CREB1: variants seen among roughly 807,000 people sequenced by gnomAD.
The protein encoded by CREB1 is cyclic AMP-responsive element-binding protein 1.
CREB1 carries 2 observed loss-of-function variants against 42.0 expected under a neutral mutation model. The observed-to-expected ratio is 0.05, with a 90% confidence interval of 0.02 to 0.15. The LOEUF (loss-of-function observed/expected upper bound fraction) is 0.15, where lower values mean the gene tolerates loss of function less well. CREB1 is among the 10% of genes least tolerant of loss of function. The pLI, the probability that CREB1 is intolerant of heterozygous loss-of-function variation, is 1.00. For missense variants in CREB1, 199 were observed against 388.9 expected (o/e 0.51, Z 4.11); for synonymous variants, 123 against 139.9 (o/e 0.88, Z 0.85).
At chr2:207,588,889 C>CA (rs2084419803) in intron 7 of CREB1, among the ~76,000 whole-genome samples, 1 of 142,298 alleles carries the variant, frequency 7.0e-6, no homozygotes, top group Non-Finnish European at 1.5e-5. Flanking sequence ...GGAGCTTTGT[C>CA]GGGGGGGGTG....
At chr2:207,581,065 T>C (rs996375681) in intron 7 of CREB1, 1 of 214,122 alleles carries the variant, frequency 4.7e-6, no homozygotes, top group Non-Finnish European at 9.4e-6. Context: ...TTTATGTAAC[T>C]TTACATTGTA....
chr2:207,567,770 TTTTTTC>T (rs1032684603), intron 4 of CREB1: 2 of 347,726 alleles, frequency 5.8e-6, no homozygotes, highest in African/African-American at 2.1e-5. Context: ...CTAATTTTTT[TTTTTTC>T]TGTTTCTGTT....
In CREB1 at chr2:207,566,387, AT is replaced by A. The variant is rs537027088; in HGVS notation, c.262-1075del. Among the ~76,000 whole-genome samples, 3 of 152,316 alleles carry A rather than the reference AT, an allele frequency of 2.0e-5. No homozygotes were observed. The South Asian group carries it at 6.2e-4, about 32-fold the overall frequency. ...TAAGTATAATTCTTACTCTGACCGC[AT>A]AATGTGCCCCTAGTTCAGGAAAGAG... On this transcript the variant is annotated intron_variant, in intron 3 of 7. Transcript: ENST00000353267.
intron 7 of CREB1, among the ~76,000 whole-genome samples, chr2:207,584,071 T>C (rs2083394197): frequency 6.6e-6 from 1 of 152,262 alleles, no homozygotes; most frequent in Non-Finnish European, 1.5e-5. Flanking sequence ...TTATTCACTT[T>C]GAATTTCATC....
intron 7 of CREB1, among the ~76,000 whole-genome samples, chr2:207,592,839 G>GGA (rs1053547115): frequency 2.0e-4 from 30 of 150,964 alleles, no homozygotes; most frequent in African/African-American, 7.1e-4. Flanking sequence ...CTTGAACCTG[G>GGA]GAGGTGGAGG....
intron 1 of CREB1, among the ~76,000 whole-genome samples, chr2:207,539,964 A>G (rs1331503489): frequency 6.6e-6 from 1 of 152,210 alleles, no homozygotes; most frequent in East Asian, 1.9e-4. Flanking sequence ...TTTGAGTTTC[A>G]TGTAAGAGAA....
At chr2:207,576,562 A>G in intron 6 of CREB1, 1 of 542,698 alleles carries the variant, frequency 1.8e-6, no homozygotes, top group South Asian at 1.7e-5. Flanking sequence ...CTGTTATTAA[A>G]CGAGTATTTG....
rs1447834884 is a variant in CREB1 at position 207,605,569 on chromosome 2, TTG to T, written c.*8515_*8516del. 2.0e-5 allele frequency among the ~76,000 whole-genome samples: 3 copies of T among 149,308 alleles called. No individual in the cohort carries two copies. Among genetic ancestry groups the T allele is most frequent in the East Asian group, 1.9e-4 (1 of 5,206 alleles). On this transcript the variant is annotated 3_prime_UTR_variant, in exon 8 of 8. Transcript: ENST00000353267. The stretch of plus-strand genomic sequence containing the variant: ...AAAAGGGCAAACTGTAAGAAGTTTT[TTG>T]TGTTATGTTTTTTGTGACAGTCTGT...
chr2:207,535,155 A>G (rs576980365), intron 1 of CREB1, among the ~76,000 whole-genome samples: 1 of 152,350 alleles, frequency 6.6e-6, no homozygotes, highest in East Asian at 1.9e-4. Context: ...TGAATGAAAA[A>G]TAAATAGTTT....
intron 1 of CREB1, among the ~76,000 whole-genome samples, chr2:207,545,751 G>A (rs1215830742): frequency 1.4e-5 from 2 of 138,164 alleles, no homozygotes; most frequent in African/African-American, 2.8e-5. Flanking sequence ...TTTTTTTTGT[G>A]AGATGGAGTT....
intron 1 of CREB1, among the ~76,000 whole-genome samples, chr2:207,542,100 T>C (rs1442131870): frequency 6.6e-6 from 1 of 152,208 alleles, no homozygotes; most frequent in African/African-American, 2.4e-5. Flanking sequence ...CATTGGACTT[T>C]TTGATTATTA....
rs116334408 is a variant in CREB1 at position 207,564,561 on chromosome 2, A to G, written c.262-2902A>G. Among the ~76,000 whole-genome samples the G allele has an allele frequency of 5.0e-4, 76 of 152,054 alleles. No homozygotes were observed. In the East Asian group the frequency reaches 0.013, roughly 26 times the overall value. ...ATATATATCCAAACCATGAGTCTCA[A>G]CTCTACCGAGGGATAGTACTTAAGT... On this transcript the variant is annotated intron_variant, in intron 3 of 7. Coordinates refer to ENST00000353267, the MANE Select transcript of CREB1 (RefSeq NM_004379.5).
chr2:207,530,431 C>G (rs1333740836), intron 1 of CREB1, among the ~76,000 whole-genome samples: 1 of 144,986 alleles, frequency 6.9e-6, no homozygotes, highest in Admixed American at 6.8e-5. Context: ...GAGCCGGCGG[C>G]CGGGGGTGTG....
chr2:207,602,992 G>C lies in CREB1; in HGVS notation c.*5934G>C. On this transcript the variant is annotated 3_prime_UTR_variant, in exon 8 of 8. Coordinates refer to ENST00000353267, the MANE Select transcript of CREB1 (RefSeq NM_004379.5). ...TTCCTAGAAAGGTGTTTGGCTTTTTGGTTTTTGAGGGTTGGGGTAAAGAAG... is the reference window on the plus strand; with the variant it reads ...TTCCTAGAAAGGTGTTTGGCTTTTTCGTTTTTGAGGGTTGGGGTAAAGAAG... The C allele has an allele frequency of 9.4e-6, 2 of 213,676 alleles. No individual in the cohort carries two copies. The highest frequency in any genetic ancestry group is 1.9e-5 in the Non-Finnish European group (2 of 105,608). The allele number at this position is 213,676 out of a possible 1,614,324, so 13.2% of individuals were successfully genotyped here. A position where few individuals can be genotyped will look rare whatever the true frequency, so the allele number is the denominator to read the frequency against.
At chr2:207,541,167 C>T (rs1205187299) in intron 1 of CREB1, among the ~76,000 whole-genome samples, 1 of 151,296 alleles carries the variant, frequency 6.6e-6, no homozygotes, top group African/African-American at 2.4e-5. Flanking sequence ...TGCAGTGAGC[C>T]GAGATCGTGC....
chr2:207,564,013 ATTAT>A (rs773541489), intron 3 of CREB1, among the ~76,000 whole-genome samples: 10 of 152,094 alleles, frequency 6.6e-5, no homozygotes, highest in South Asian at 2.1e-4. Context: ...GAAAAATAAT[ATTAT>A]TTATCTTTAA....
At position 207,575,472 on chromosome 2, in the gene CREB1, T is replaced by A. The variant is rs1175119220; in HGVS notation, c.688+18T>A. ...TGTTCAAGGTAAGGGAATTCAGAAT[T>A]CACAGGTGTGGTAAATTCTTCAAAA... On this transcript the variant is annotated intron_variant, in intron 6 of 7. Transcript: ENST00000353267. 6.3e-7 allele frequency: 1 copy of A among 1,578,432 alleles called. No individual in the cohort carries two copies. The highest frequency in any genetic ancestry group is 8.7e-7 in the Non-Finnish European group (1 of 1,155,418).
intron 1 of CREB1, among the ~76,000 whole-genome samples, chr2:207,540,111 A>G (rs1051264301): frequency 2.0e-5 from 3 of 152,208 alleles, no homozygotes; most frequent in Admixed American, 6.5e-5. Flanking sequence ...GACAGATTGC[A>G]TATACAACAG....
chr2:207,587,624 A>C (rs1249836149), intron 7 of CREB1, among the ~76,000 whole-genome samples: 1 of 152,182 alleles, frequency 6.6e-6, no homozygotes, highest in Non-Finnish European at 1.5e-5. Flanking sequence ...AAAAGAATGA[A>C]AATACATCAT....
Sources: allele counts gnomAD v4.1 joint callset (sites outside exome capture counted in the v4.1 genomes callset), GRCh38; gene constraint gnomAD v4.1.1; transcripts MANE v1.5; gene names NCBI Gene and HGNC (gene_info 2026-07-23, HGNC 2026-07-21).